CIRSR: variants seen among roughly 807,000 people sequenced by gnomAD.
CIRSR encodes the protein CBF1 (RBPJ) interacting corepressor 1.
chr2:174,359,491 T>C, the CIRSR span, among the ~76,000 whole-genome samples: 8,209 of 152,184 alleles, frequency 0.054, 305 homozygotes, highest in Non-Finnish European at 0.086. Flanking sequence ...GTATATAACT[T>C]AGAAAATGGT....
At chr2:174,362,372 T>A in the CIRSR span, among the ~76,000 whole-genome samples, 1 of 151,880 alleles carries the variant, frequency 6.6e-6, no homozygotes, top group Non-Finnish European at 1.5e-5. Context: ...TATAATAAAC[T>A]GAAAAATCCA....
chr2:174,380,176 T>C, the CIRSR span: 67 of 1,515,276 alleles, frequency 4.4e-5, no homozygotes, highest in Admixed American at 3.1e-4. Flanking sequence ...AAATTATTCT[T>C]ACAGAGTAAA....
At chr2:174,375,492 C>T in the CIRSR span, among the ~76,000 whole-genome samples, 1 of 152,052 alleles carries the variant, frequency 6.6e-6, no homozygotes, top group Non-Finnish European at 1.5e-5. Context: ...CCTGTGAGTC[C>T]CAGCTACTCA....
chr2:174,350,896 A>AC, the CIRSR span: 2 of 592,704 alleles, frequency 3.4e-6, no homozygotes, highest in Admixed American at 3.5e-5. Flanking sequence ...AGAATTAAAA[A>AC]ATTTTTTTGT....
the CIRSR span, among the ~76,000 whole-genome samples, chr2:174,386,678 T>C: frequency 6.6e-6 from 1 of 152,062 alleles, no homozygotes; most frequent in African/African-American, 2.4e-5. Context: ...CTGGGCAGGG[T>C]GGCAGGGAGG....
chr2:174,382,306 G>A, the CIRSR span, among the ~76,000 whole-genome samples: 3 of 152,104 alleles, frequency 2.0e-5, no homozygotes, highest in African/African-American at 4.8e-5. Flanking sequence ...CACAGTAAAT[G>A]AGAAAATAAA....
chr2:174,349,765 A>T, the CIRSR span, among the ~76,000 whole-genome samples: 3 of 152,264 alleles, frequency 2.0e-5, no homozygotes, highest in African/African-American at 7.2e-5. Flanking sequence ...AGTTGAAATT[A>T]TATAGCACTC....
At chr2:174,370,910 C>CA in the CIRSR span, among the ~76,000 whole-genome samples, 73,135 of 128,382 alleles carry the variant, frequency 0.57, 20,538 homozygotes, top group East Asian at 0.94. Flanking sequence ...GACTCCGTCT[C>CA]AAAAAAAAAA....
the CIRSR span, among the ~76,000 whole-genome samples, chr2:174,353,074 T>C: frequency 6.6e-6 from 1 of 152,328 alleles, no homozygotes; most frequent in Admixed American, 6.5e-5. Flanking sequence ...ATAATATATT[T>C]TACTGGACTT....
chr2:174,356,382 C>A, the CIRSR span, among the ~76,000 whole-genome samples: 1 of 151,954 alleles, frequency 6.6e-6, no homozygotes, highest in Non-Finnish European at 1.5e-5. Flanking sequence ...GTGGGAGGAT[C>A]ACTTGAACAC....
chr2:174,348,657 T>C, the CIRSR span: 1 of 1,614,240 alleles, frequency 6.2e-7, no homozygotes, highest in African/African-American at 1.3e-5. Flanking sequence ...CCTTTGCTTG[T>C]AACTACCAGG....
At chr2:174,377,607 C>T in the CIRSR span, among the ~76,000 whole-genome samples, 1 of 151,630 alleles carries the variant, frequency 6.6e-6, no homozygotes, top group African/African-American at 2.4e-5. Context: ...AATTTGAGCC[C>T]AGGAGTTCAA....
the CIRSR span, among the ~76,000 whole-genome samples, chr2:174,395,107 C>T: frequency 6.6e-6 from 1 of 152,112 alleles, no homozygotes; most frequent in South Asian, 2.1e-4. Context: ...AAACACTAAA[C>T]TTCAACGAGT....
chr2:174,348,810 TC>T, the CIRSR span: 2 of 1,614,214 alleles, frequency 1.2e-6, no homozygotes, highest in Non-Finnish European at 1.7e-6. Context: ...CCATTTGCTG[TC>T]CTCCCTAGAA....
At chr2:174,393,248 C>T in the CIRSR span, among the ~76,000 whole-genome samples, 4 of 152,166 alleles carry the variant, frequency 2.6e-5, no homozygotes, top group African/African-American at 7.2e-5. Flanking sequence ...TAACTGCTTC[C>T]TTCATTAACA....
the CIRSR span, among the ~76,000 whole-genome samples, chr2:174,379,617 T>G: frequency 6.6e-6 from 1 of 152,144 alleles, no homozygotes; most frequent in Non-Finnish European, 1.5e-5. Flanking sequence ...CAATAATAGA[T>G]TTAAATCTTT....
chr2:174,392,361 A>G, the CIRSR span, among the ~76,000 whole-genome samples: 6 of 152,216 alleles, frequency 3.9e-5, no homozygotes, highest in Non-Finnish European at 1.5e-5. Flanking sequence ...ACTTAACTCC[A>G]TGAATACATT....
At chr2:174,352,583 A>T in the CIRSR span, among the ~76,000 whole-genome samples, 1 of 152,208 alleles carries the variant, frequency 6.6e-6, no homozygotes, top group Non-Finnish European at 1.5e-5. Context: ...TCTCTAAATA[A>T]ATAAATAATT....
the CIRSR span, among the ~76,000 whole-genome samples, chr2:174,376,716 T>G: frequency 6.9e-6 from 1 of 143,944 alleles, no homozygotes; most frequent in Admixed American, 7.5e-5. Flanking sequence ...GAGAACGGCA[T>G]GAACCTGGGA....
Sources: allele counts gnomAD v4.1 joint callset (sites outside exome capture counted in the v4.1 genomes callset), GRCh38; gene constraint gnomAD v4.1.1; transcripts MANE v1.5; gene names NCBI Gene and HGNC (gene_info 2026-07-23, HGNC 2026-07-21).